Variants in SCO1 observed in about 807,000 individuals in gnomAD.
SCO1 encodes synthesis of cytochrome C oxidase 1.
A neutral mutation model predicts 34.0 loss-of-function variants in SCO1; 23 were observed. That is an observed-to-expected ratio of 0.68 (90% CI 0.49 to 0.96). SCO1 has a LOEUF of 0.96. SCO1 is among the 40% of genes least tolerant of loss of function. The probability of loss-of-function intolerance (pLI) is 0.00; values close to 1 mark genes in which losing one functional copy is unlikely to be tolerated. For missense variants in SCO1, 404 were observed against 381.6 expected, an observed-to-expected ratio of 1.06 and a Z score of -0.49; for synonymous variants, 161 against 145.5, an observed-to-expected ratio of 1.11 and a Z score of -0.77.
rs935381592 is a variant in SCO1 at position 10,675,662 on chromosome 17, C to T, written c.*5457G>A. On this transcript the variant is annotated 3_prime_UTR_variant, in exon 6 of 6. Coordinates refer to ENST00000255390, the MANE Select transcript of SCO1 (RefSeq NM_004589.4). ...TTAAGCACTATTCTGACTTTTAACACGATGGGTTAGTTTTCCCTGTTCTCC... is the reference window on the plus strand; with the variant it reads ...TTAAGCACTATTCTGACTTTTAACATGATGGGTTAGTTTTCCCTGTTCTCC... The T allele has an allele frequency of 2.0e-5, 3 of 152,174 alleles. No homozygotes were observed. Among genetic ancestry groups the T allele is most frequent in the East Asian group, 1.9e-4 (1 of 5,198 alleles). The allele number at this position is 152,174 out of a possible 1,614,324, so 9.4% of individuals were successfully genotyped here.
intron 2 of SCO1, among the ~76,000 whole-genome samples, chr17:10,694,232 T>C (rs1451763059): frequency 2.0e-5 from 3 of 152,168 alleles, no homozygotes; most frequent in Admixed American, 6.5e-5. Flanking sequence ...AAAATAACTC[T>C]CCTGTAACTG....
chr17:10,695,343 A>G (rs573825652), intron 2 of SCO1, among the ~76,000 whole-genome samples: 1 of 152,328 alleles, frequency 6.6e-6, no homozygotes, highest in African/African-American at 2.4e-5. Context: ...AGGCTCGACT[A>G]CATCTTACTC....
Sources: gnomAD v4.1 joint callset for allele counts (sites outside exome capture counted in the v4.1 genomes callset) on GRCh38, gnomAD v4.1.1 for gene constraint, MANE v1.5 for transcripts, NCBI Gene and HGNC (gene_info 2026-07-23, HGNC 2026-07-21) for gene names.